The following BSPH1 variants were observed in gnomAD, a reference collection of about 807,000 sequenced individuals.
BSPH1 encodes the protein binder of sperm protein homolog 1, also known as binder of sperm 1.
In BSPH1, 21 loss-of-function variants were observed where a neutral mutation model predicts 22.5. That is an observed-to-expected ratio of 0.93 (90% CI 0.66 to 1.35). BSPH1 has a LOEUF of 1.35. Among genes scored for constraint, BSPH1 ranks in the 40% most tolerant of loss-of-function variants. The pLI is 0.00. For synonymous variants in BSPH1, 42 were observed against 53.6 expected (o/e 0.78, Z 0.95); for missense variants, 141 against 154.2 (o/e 0.91, Z 0.45).
intron 1 of BSPH1, among the ~76,000 whole-genome samples, chr19:47,985,752 T>C (rs1969464352): frequency 6.6e-6 from 1 of 151,834 alleles, no homozygotes; most frequent in Non-Finnish European, 1.5e-5. Context: ...GGAGAATCAC[T>C]TGAACCTGGG....
At chr19:47,975,162 G>C (rs1340593247) in intron 5 of BSPH1, among the ~76,000 whole-genome samples, 1 of 152,088 alleles carries the variant, frequency 6.6e-6, no homozygotes, top group Non-Finnish European at 1.5e-5. Context: ...CCTTCTATCA[G>C]ATATTTCCTC....
intron 1 of BSPH1, among the ~76,000 whole-genome samples, chr19:47,986,805 G>T (rs1175184461): frequency 1.3e-5 from 2 of 152,080 alleles, no homozygotes; most frequent in African/African-American, 4.8e-5. Flanking sequence ...TAGACTGTTT[G>T]GTCTAGAGCA....
In BSPH1 at chr19:47,981,032, T is replaced by C. The variant is rs192160755; in HGVS notation, c.74-91A>G. On this transcript the variant is annotated intron_variant, in intron 1 of 5. Transcript: ENST00000344839. ...CCAATTTCTATTCTAGTAAGAATAATACTATTTTGAAAGTTAGACATCAAA... is the reference window on the plus strand; with the variant it reads ...CCAATTTCTATTCTAGTAAGAATAACACTATTTTGAAAGTTAGACATCAAA... 1.6e-5 allele frequency: 11 copies of C among 688,784 alleles called. No homozygotes were observed. The Admixed American group carries it at 3.0e-4, about 19-fold the overall frequency. The allele number at this position is 688,784 out of a possible 1,614,324, so 42.7% of individuals were successfully genotyped here. A position where few individuals can be genotyped will look rare whatever the true frequency, so the allele number is the denominator to read the frequency against.
intron 1 of BSPH1, among the ~76,000 whole-genome samples, chr19:47,985,063 G>GAA (rs77675265): frequency 5.5e-4 from 41 of 75,090 alleles, no homozygotes; most frequent in South Asian, 3.1e-3. Context: ...GACTCTGTCT[G>GAA]AAAAAAAAAA....
intron 1 of BSPH1, among the ~76,000 whole-genome samples, chr19:47,984,903 C>T (rs182094087): frequency 1.3e-4 from 20 of 151,622 alleles, no homozygotes; most frequent in Admixed American, 9.2e-4. Flanking sequence ...GATGAAATCC[C>T]GTCTCTACTA....
intron 5 of BSPH1, among the ~76,000 whole-genome samples, chr19:47,969,739 T>C (rs543276018): frequency 7.8e-6 from 1 of 128,566 alleles, no homozygotes; most frequent in East Asian, 2.7e-4. Flanking sequence ...TTAGAATGTA[T>C]GTGTGTGTGT....
chr19:47,980,200 T>TA (rs71181621), intron 2 of BSPH1, among the ~76,000 whole-genome samples: 103,667 of 151,410 alleles, frequency 0.68, 35,958 homozygotes, highest in African/African-American at 0.79. Flanking sequence ...AGTATTAGAT[T>TA]AAAAATAATA....
chr19:47,985,063 GAAAA>G (rs77675265), intron 1 of BSPH1, among the ~76,000 whole-genome samples: 1 of 75,104 alleles, frequency 1.3e-5, no homozygotes, highest in East Asian at 2.9e-4. Flanking sequence ...GACTCTGTCT[GAAAA>G]AAAAAAAAAA....
At chr19:47,972,988 C>A (rs60479043) in intron 5 of BSPH1, among the ~76,000 whole-genome samples, 1 of 151,468 alleles carries the variant, frequency 6.6e-6, no homozygotes, top group Admixed American at 6.6e-5. Flanking sequence ...GAGGCCGAGG[C>A]GGGTGGATCA....
chr19:47,976,589 AAAAAAAAC>A (rs1166369154), intron 5 of BSPH1, 113 bp downstream of exon 5: 30 of 669,934 alleles, frequency 4.5e-5, no homozygotes, highest in African/African-American at 1.4e-4. Context: ...CCAGAAAAAA[AAAAAAAAC>A]AAAAAAAAAC....
chr19:47,975,480 C>T (rs1274144557), intron 5 of BSPH1, among the ~76,000 whole-genome samples: 3 of 152,218 alleles, frequency 2.0e-5, no homozygotes, highest in African/African-American at 7.2e-5. Flanking sequence ...GGCTTTCCCT[C>T]ACTTTGTACA....
intron 1 of BSPH1, among the ~76,000 whole-genome samples, chr19:47,984,878 C>G (rs780900988): frequency 1.5e-4 from 23 of 151,850 alleles, no homozygotes; most frequent in Non-Finnish European, 2.4e-4. Flanking sequence ...AGTTCAAGAC[C>G]AGCCTGGCCA....
At chr19:47,973,218 AAATAAT>A (rs60548503) in intron 5 of BSPH1, among the ~76,000 whole-genome samples, 3,612 of 132,054 alleles carry the variant, frequency 0.027, 54 homozygotes, top group African/African-American at 0.051. Context: ...CTCCGTCTCA[AAATAAT>A]AATAATAATA....
At chr19:47,990,762 TTCC>T in intron 1 of BSPH1, among the ~76,000 whole-genome samples, 1 of 152,304 alleles carries the variant, frequency 6.6e-6, no homozygotes, top group East Asian at 1.9e-4. Context: ...CCATAGTGAA[TTCC>T]CTTCTTATTT....
At chr19:47,989,808 A>T (rs1258205407) in intron 1 of BSPH1, among the ~76,000 whole-genome samples, 1 of 152,102 alleles carries the variant, frequency 6.6e-6, no homozygotes, top group African/African-American at 2.4e-5. Flanking sequence ...GCTACTCAGT[A>T]GCTCAAAAGA....
chr19:47,986,845 G>A (rs952062228), intron 1 of BSPH1, among the ~76,000 whole-genome samples: 3 of 152,164 alleles, frequency 2.0e-5, no homozygotes, highest in East Asian at 1.9e-4. Context: ...CAGATCTGGA[G>A]GCCAGAAGGC....
intron 1 of BSPH1, 38 bp downstream of exon 1, chr19:47,991,971 T>C: frequency 2.2e-6 from 3 of 1,368,250 alleles, no homozygotes; most frequent in Non-Finnish European, 3.1e-6. Context: ...AGTTAAGCTA[T>C]CTACCTTGCA....
At chr19:47,969,331 A>C (rs1050184251) in intron 5 of BSPH1, among the ~76,000 whole-genome samples, 9 of 152,276 alleles carry the variant, frequency 5.9e-5, no homozygotes, top group Non-Finnish European at 4.4e-5. Flanking sequence ...AGCAGAATTG[A>C]GATTCTATTT....
intron 1 of BSPH1, among the ~76,000 whole-genome samples, chr19:47,988,428 G>A (rs1969491907): frequency 6.6e-6 from 1 of 152,118 alleles, no homozygotes; most frequent in Admixed American, 6.5e-5. Flanking sequence ...TCTTGCTTGA[G>A]GCCACAGGCT....
Sources: gnomAD v4.1 joint callset for allele counts (sites outside exome capture counted in the v4.1 genomes callset) on GRCh38, gnomAD v4.1.1 for gene constraint, MANE v1.5 for transcripts, NCBI Gene and HGNC (gene_info 2026-07-23, HGNC 2026-07-21) for gene names.